ELL: variants seen among roughly 807,000 people sequenced by gnomAD.
ELL encodes elongation factor for RNA polymerase II.
Under a neutral mutation model 64.0 loss-of-function variants are expected in ELL, and 18 were observed. The ratio of observed to expected loss-of-function variants is 0.28; its 90% confidence interval spans 0.19 to 0.42. ELL has a LOEUF of 0.42. ELL is among the 10% of genes least tolerant of loss of function. The pLI is 1.00. For synonymous variants in ELL, 399 were observed against 376.2 expected, an observed-to-expected ratio of 1.06 and a Z score of -0.70; for missense variants, 797 against 870.4, an observed-to-expected ratio of 0.92 and a Z score of 1.06.
At chr19:18,446,940 G>A in intron 8 of ELL, 126 bp from the exon 9 acceptor site, 1 of 1,051,890 alleles carries the variant, frequency 9.5e-7, no homozygotes, top group Non-Finnish European at 1.4e-6. Context: ...AGGGATAGCA[G>A]AGGGGATGAC....
chr19:18,450,455 G>A (rs760342939), intron 8 of ELL, 22 bp downstream of exon 8: 7 of 1,606,968 alleles, frequency 4.4e-6, no homozygotes, highest in South Asian at 1.1e-5. Flanking sequence ...CCCCGGCAAC[G>A]CCCTCCTGCC....
intron 1 of ELL, among the ~76,000 whole-genome samples, chr19:18,491,744 G>A (rs1340800503): frequency 6.6e-6 from 1 of 151,746 alleles, no homozygotes; most frequent in Non-Finnish European, 1.5e-5. Context: ...GTGAGACCCT[G>A]TCTCTACAAA....
In ELL at chr19:18,443,196, C is replaced by T. The variant is rs1026824355; in HGVS notation, c.*1556G>A. 1 of 231,316 alleles carries T rather than the reference C, an allele frequency of 4.3e-6. No individual in the cohort carries two copies. The highest frequency in any genetic ancestry group is 6.1e-5 in the East Asian group (1 of 16,376). 14.3% of individuals were successfully genotyped at this position (231,316 alleles called of 1,614,324 possible). On this transcript the variant is annotated 3_prime_UTR_variant, in exon 12 of 12. Transcript: ENST00000262809. ...TCCTGGAGCCTGCTCGGCCCTTCCC[C>T]GGCCCGGCCCGGCCCAAAGAGAAAA...
intron 2 of ELL, chr19:18,471,392 G>C (rs1242682528): frequency 1.1e-5 from 5 of 444,570 alleles, no homozygotes; most frequent in Non-Finnish European, 2.2e-5. Flanking sequence ...AAACAAGGCT[G>C]GGCGTGGTGG....
At chr19:18,448,327 C>T (rs1386315341) in intron 8 of ELL, 1 of 152,166 alleles carries the variant, frequency 6.6e-6, no homozygotes, top group African/African-American at 2.4e-5. Flanking sequence ...CTCAGTGTAA[C>T]ACACCTGGGC....
chr19:18,445,354 AG>A, intron 10 of ELL, 86 bp from the exon 11 acceptor site: 1 of 566,830 alleles, frequency 1.8e-6, no homozygotes. Context: ...TGCTCTGAGA[AG>A]GGGGCATGGG....
intron 1 of ELL, among the ~76,000 whole-genome samples, chr19:18,495,907 G>A (rs1442192321): frequency 1.3e-5 from 2 of 152,378 alleles, no homozygotes; most frequent in Non-Finnish European, 2.9e-5. Flanking sequence ...GAGGCTTAGG[G>A]TGGAGGGCTG....
Position 18,522,030 on chromosome 19 carries a change from C to G in ELL, c.26G>C (p.Ser9Thr). MAALKEDR[S>T]YGLSCGRVSD... ...AACCCGCCCGCACGACAGCCCGTAG[C>G]TCCTATCCTCCTTCAGCGCCGCCAT... The change falls in exon 1 of 12, where the codon AGC becomes ACC. Residue 9 changes from serine (S) to threonine (T), a missense_variant. Coordinates refer to ENST00000262809, the MANE Select transcript of ELL (RefSeq NM_006532.4). 1 of 1,608,178 alleles carries G rather than the reference C, an allele frequency of 6.2e-7. No individual in the cohort carries two copies. The highest frequency in any genetic ancestry group is 1.1e-5 in the South Asian group (1 of 90,696).
At chr19:18,479,773 G>A (rs546544275) in intron 1 of ELL, among the ~76,000 whole-genome samples, 3 of 151,620 alleles carry the variant, frequency 2.0e-5, no homozygotes, top group Non-Finnish European at 2.9e-5. Context: ...CAGAAACTAG[G>A]GAGAGGGCAC....
chr19:18,451,118 T>A, intron 7 of ELL, 143 bp from the exon 8 acceptor site: 1 of 1,207,446 alleles, frequency 8.3e-7, no homozygotes, highest in South Asian at 2.0e-5. Context: ...CCAAGTCAGG[T>A]CCCAGGTGCC....
chr19:18,481,901 T>C (rs989448288), intron 1 of ELL, among the ~76,000 whole-genome samples: 4 of 152,190 alleles, frequency 2.6e-5, no homozygotes, highest in Non-Finnish European at 5.9e-5. Context: ...ACAGAGTAGG[T>C]GTACATTTAA....
At position 18,450,671 on chromosome 19, in the gene ELL, C is replaced by T. The variant is rs755783890; in HGVS notation, c.1271G>A (p.Arg424His). Reference protein sequence around the residue: ...GEAAAPAPTVRLGLPLLTDCA... With the variant: ...GEAAAPAPTVHLGLPLLTDCA... ...GTCCGTCAGCAGGGGCAGGCCGAGG[C>T]GCACAGTGGGGGCTGGGGCAGCCGC... The change falls in exon 8 of 12, where the codon CGC becomes CAC. Residue 424 changes from arginine (R) to histidine (H), a missense_variant. Coordinates refer to ENST00000262809, the MANE Select transcript of ELL (RefSeq NM_006532.4). 6.9e-6 allele frequency: 11 copies of T among 1,587,252 alleles called. No homozygotes were observed. Among genetic ancestry groups the T allele is most frequent in the African/African-American group, 2.7e-5 (2 of 74,542 alleles).
intron 2 of ELL, chr19:18,471,322 C>A: frequency 2.3e-6 from 1 of 431,364 alleles, no homozygotes; most frequent in Non-Finnish European, 4.6e-6. Context: ...CTGAAGTAAG[C>A]TATGGTTGTG....
Position 18,446,762 on chromosome 19 carries a change from C to T in ELL, c.1518G>A (p.Thr506=), listed in dbSNP as rs766988709. 6 of 1,614,002 alleles carry T rather than the reference C, an allele frequency of 3.7e-6. 1 individual carries two copies. Among genetic ancestry groups the T allele is most frequent in the African/African-American group, 1.3e-5 (1 of 75,054 alleles). The change falls in exon 9 of 12, where the codon ACG becomes ACA. Residue 506 remains threonine (T), a synonymous_variant. Transcript: ENST00000262809. ...VSSVPTSTSE[T]PDYLLKYAAI... ...CAAACACTCACAGCAAGTAGTCAGG[C>T]GTCTCCGACGTGGACGTGGGAACAC... is the stretch of plus-strand genomic sequence containing the variant.
At chr19:18,512,164 A>G (rs1240226248) in intron 1 of ELL, among the ~76,000 whole-genome samples, 3 of 151,654 alleles carry the variant, frequency 2.0e-5, no homozygotes, top group Non-Finnish European at 4.4e-5. Context: ...CAAAAAAAAA[A>G]AAGAAAAAAA....
At chr19:18,512,604 TTC>T (rs1379998580) in intron 1 of ELL, among the ~76,000 whole-genome samples, 2 of 152,170 alleles carry the variant, frequency 1.3e-5, no homozygotes, top group African/African-American at 4.8e-5. Context: ...AGGAAGCCAG[TTC>T]TCTATTTCAG....
In ELL at chr19:18,449,510, G is replaced by T. The variant is rs1356373332; in HGVS notation, c.1465+967C>A. On this transcript the variant is annotated intron_variant, in intron 8 of 11. Transcript: ENST00000262809. This position sits in a 1 kb window ranked among gnomAD's most constrained non-coding sequence, Gnocchi z 4.4. ...AGTAAGACCCAGCCACAGTTGTGAG[G>T]ACCTGCTCTCCAGCCACAGCAGGGG... 6.6e-6 allele frequency among the ~76,000 whole-genome samples: 1 copy of T among 152,144 alleles called. No homozygotes were observed. The highest frequency in any genetic ancestry group is 1.5e-5 in the Non-Finnish European group (1 of 68,004).
chr19:18,472,122 C>G (rs1975076227), intron 2 of ELL, among the ~76,000 whole-genome samples: 1 of 152,010 alleles, frequency 6.6e-6, no homozygotes, highest in Non-Finnish European at 1.5e-5. Context: ...ACCACCACAC[C>G]CAGCTAATTT....
chr19:18,479,019 C>CTCCGGCAAAGAGCACT (rs1975235134), intron 1 of ELL, among the ~76,000 whole-genome samples: 1 of 152,240 alleles, frequency 6.6e-6, no homozygotes, highest in Non-Finnish European at 1.5e-5. Flanking sequence ...ATCCTCTCCC[C>CTCCGGCAAAGAGCACT]TCCGGCAAAG....
Sources: allele counts gnomAD v4.1 joint callset (sites outside exome capture counted in the v4.1 genomes callset), GRCh38; gene constraint gnomAD v4.1.1; non-coding constraint Gnocchi (gnomAD v3.1); transcripts MANE v1.5; gene names NCBI Gene and HGNC (gene_info 2026-07-23, HGNC 2026-07-21).